Variants in SETD1B observed in about 807,000 individuals in gnomAD.
SETD1B encodes the protein SET domain containing 1B, histone lysine methyltransferase, also known as histone-lysine N-methyltransferase SETD1B.
SETD1B carries 7 observed loss-of-function variants against 148.0 expected under a neutral mutation model. The observed-to-expected ratio is 0.05, with a 90% CI of 0.03 to 0.09. SETD1B has a LOEUF of 0.09. Among genes scored for constraint, SETD1B ranks in the 10% least tolerant of loss-of-function variants. The pLI is 1.00. For missense variants in SETD1B, 2,155 were observed against 2,729.9 expected (o/e 0.79, Z 4.69); for synonymous variants, 1,361 against 1,186.5 (o/e 1.15, Z -3.02).
intron 6 of SETD1B, among the ~76,000 whole-genome samples, chr12:121,813,017 C>A (rs1452489401): frequency 6.6e-6 from 1 of 152,116 alleles, no homozygotes; most frequent in Non-Finnish European, 1.5e-5. Context: ...CCCTAAAGCC[C>A]CACGCCCATC....
Position 121,810,610 on chromosome 12 carries a change from G to A in SETD1B, c.1665G>A (p.Arg555=), listed in dbSNP as rs987431562. 3.2e-6 allele frequency: 5 copies of A among 1,548,264 alleles called. No individual in the cohort carries two copies. The African/African-American group carries it at 6.8e-5, about 21-fold the overall frequency. The change falls in exon 6 of 17, where the codon CGG becomes CGA. Residue 555 remains arginine (R), a synonymous_variant. Coordinates refer to ENST00000604567, the MANE Select transcript of SETD1B (RefSeq NM_001353345.2). This position sits in a 1 kb window ranked among gnomAD's most constrained non-coding sequence, Gnocchi z 7.6. ...PFGTNSQPGF[R]GPTPPSSRPS... is the part of the protein sequence containing the mutation. ...GCACCAACTCCCAGCCAGGCTTCCG[G>A]GGCCCCACGCCCCCCTCGTCACGCC...
intron 5 of SETD1B, 140 bp from the exon 6 acceptor site, chr12:121,809,463 C>T: frequency 1.1e-6 from 1 of 930,408 alleles, no homozygotes; most frequent in Non-Finnish European, 1.6e-6. Flanking sequence ...CCTCCTCAAT[C>T]TCCCCCACTT....
At chr12:121,815,888 C>T (rs972250193) in intron 7 of SETD1B, among the ~76,000 whole-genome samples, 6 of 141,268 alleles carry the variant, frequency 4.2e-5, no homozygotes, top group Admixed American at 1.5e-4. Flanking sequence ...AGTGCAATGG[C>T]GTGATCTCAG....
chr12:121,823,130 G>A lies in SETD1B; in HGVS notation c.4551G>A (p.Arg1517=). The A allele has an allele frequency of 6.5e-7, 1 of 1,535,714 alleles. No individual in the cohort carries two copies. The highest frequency in any genetic ancestry group is 8.7e-7 in the Non-Finnish European group (1 of 1,145,586). Residue 1517 remains arginine (R), a synonymous_variant, in exon 12 of 17, where the codon AGG becomes AGA. Coordinates refer to ENST00000604567, the MANE Select transcript of SETD1B (RefSeq NM_001353345.2). ...CCTCTTGCCCTCCCCCAATGAAGAG[G>A]AAGCCGGGCCGGCCCCGGCGATCCC... ...PLASCPPPMK[R]KPGRPRRSPP...
Position 121,805,064 on chromosome 12 carries a change from C to T in SETD1B, c.175-54C>T, listed in dbSNP as rs893294432. ...CAAGTGCCTCGAGAAAGGGGTCTGC[C>T]CATGGGGAGGGGGACCAGTTCTCTC... is the stretch of plus-strand genomic sequence containing the variant. On this transcript the variant is annotated intron_variant, in intron 2 of 16. Coordinates refer to ENST00000604567, the MANE Select transcript of SETD1B (RefSeq NM_001353345.2). The surrounding 1 kb of genome is among the most constrained non-coding windows in gnomAD (Gnocchi z 4.2). 2 of 1,524,206 alleles carry T rather than the reference C, an allele frequency of 1.3e-6. No homozygotes were observed. The highest frequency in any genetic ancestry group is 1.8e-6 in the Non-Finnish European group (2 of 1,123,048). The allele number at this position is 1,524,206 out of a possible 1,614,324, so 94.4% of individuals were successfully genotyped here. A position where few individuals can be genotyped will look rare whatever the true frequency, so the allele number is the denominator to read the frequency against.
At chr12:121,812,833 T>TA (rs1384647253) in intron 6 of SETD1B, among the ~76,000 whole-genome samples, 1 of 152,076 alleles carries the variant, frequency 6.6e-6, no homozygotes, top group Non-Finnish European at 1.5e-5. Flanking sequence ...GCCGCTGCCT[T>TA]AGTTTGGGTA....
chr12:121,819,972 CT>C (rs1876492379), intron 11 of SETD1B, 77 bp downstream of exon 11: 1 of 1,280,338 alleles, frequency 7.8e-7, no homozygotes, highest in Non-Finnish European at 1.1e-6. Flanking sequence ...CCCGGGCTTC[CT>C]GGGGTAGATC....
intron 10 of SETD1B, 144 bp downstream of exon 10, chr12:121,818,048 C>T (rs1046797913): frequency 6.4e-6 from 5 of 783,010 alleles, no homozygotes; most frequent in Admixed American, 3.1e-5. Flanking sequence ...CACAGGGTGG[C>T]GTACGGTTCC....
At chr12:121,793,913 C>T in the SETD1B span, 2 of 319,918 alleles carry the variant, frequency 6.3e-6, no homozygotes, top group Non-Finnish European at 1.1e-5. Flanking sequence ...ACCCTCCGCG[C>T]GTCACGTCGC....
chr12:121,815,353 G>A (rs1462439072), intron 7 of SETD1B, among the ~76,000 whole-genome samples: 2 of 152,066 alleles, frequency 1.3e-5, no homozygotes, highest in Non-Finnish European at 2.9e-5. Flanking sequence ...GTGCTCGGGA[G>A]CCACAGGTGC....
chr12:121,825,778 GGGATTACA>G (rs891135965), intron 13 of SETD1B, among the ~76,000 whole-genome samples: 2 of 152,020 alleles, frequency 1.3e-5, no homozygotes, highest in Non-Finnish European at 2.9e-5. Flanking sequence ...CTGAGTAGCT[GGGATTACA>G]GGTGCCCACC....
intron 16 of SETD1B, among the ~76,000 whole-genome samples, chr12:121,828,953 G>A (rs1424040927): frequency 2.0e-5 from 3 of 152,146 alleles, no homozygotes; most frequent in Non-Finnish European, 4.4e-5. Flanking sequence ...GTGAATATCC[G>A]GGGAGATCTG....
rs904764031 is a variant in SETD1B at position 121,809,984 on chromosome 12, C to T, written c.1039C>T (p.Arg347Trp). The stretch of plus-strand genomic sequence containing the variant: ...GGTGGCCGGGGCCACAGCCGCTTTC[C>T]GGGGTTCCTCGGACCTCCCGTTCGG... ...TAVAGATAAF[R>W]GSSDLPFGAV... Residue 347 changes from arginine (R) to tryptophan (W), a missense_variant, in exon 6 of 17, where the codon CGG becomes TGG. Coordinates refer to ENST00000604567, the MANE Select transcript of SETD1B (RefSeq NM_001353345.2). 5.2e-6 allele frequency: 8 copies of T among 1,550,674 alleles called. No homozygotes were observed. Among genetic ancestry groups the T allele is most frequent in the Admixed American group, 2.0e-5 (1 of 50,984 alleles).
chr12:121,814,291 C>T lies in SETD1B; in HGVS notation c.2076C>T (p.Pro692=). 2 of 1,047,566 alleles carry T rather than the reference C, an allele frequency of 1.9e-6. No individual in the cohort carries two copies. The highest frequency in any genetic ancestry group is 2.6e-6 in the Non-Finnish European group (2 of 783,196). The allele number at this position is 1,047,566 out of a possible 1,614,324, so 64.9% of individuals were successfully genotyped here. A position where few individuals can be genotyped will look rare whatever the true frequency, so the allele number is the denominator to read the frequency against. ...CACCTGGCTTCCCCCCGCTGCCCCCCCCACCACCACCACCCCCACCGCAGC... is the reference window on the plus strand; with the variant it reads ...CACCTGGCTTCCCCCCGCTGCCCCCTCCACCACCACCACCCCCACCGCAGC... ...PPPPGFPPLP[P]PPPPPPPQPG... is the part of the protein sequence containing the mutation. The change falls in exon 7 of 17, where the codon CCC becomes CCT. Residue 692 remains proline (P), a synonymous_variant. Coordinates refer to ENST00000604567, the MANE Select transcript of SETD1B (RefSeq NM_001353345.2).
At position 121,817,406 on chromosome 12, in the gene SETD1B, C is replaced by A. The variant is rs760175934; in HGVS notation, c.3014C>A (p.Thr1005Asn). 29 of 1,533,302 alleles carry A rather than the reference C, an allele frequency of 1.9e-5. No individual in the cohort carries two copies. Among genetic ancestry groups the A allele is most frequent in the South Asian group, 4.9e-5 (4 of 81,976 alleles). The allele number at this position is 1,533,302 out of a possible 1,614,324, so 95.0% of individuals were successfully genotyped here. Reference sequence around the variant, plus strand: ...GAGCGAGACCGGGATATGGCAGACACCCCCTGTGAGCTCGCCAAGCGGGAC... The same window carrying A: ...GAGCGAGACCGGGATATGGCAGACAACCCCTGTGAGCTCGCCAAGCGGGAC... Reference protein sequence around the residue: ...ERERDRDMADTPCELAKRDPK... With the variant: ...ERERDRDMADNPCELAKRDPK... Residue 1005 changes from threonine (T) to asparagine (N), a missense_variant, in exon 9 of 17, where the codon ACC becomes AAC. Thr to Asn is a moderately conservative substitution (Grantham distance 65, BLOSUM62 0). Around this residue, in one of 11 missense-constraint regions of SETD1B, gnomAD observed 289 missense variants for 423.7 expected, o/e 0.68. Coordinates refer to ENST00000604567, the MANE Select transcript of SETD1B (RefSeq NM_001353345.2). The surrounding 1 kb of genome is among the most constrained non-coding windows in gnomAD (Gnocchi z 8.1).
At chr12:121,812,334 A>C (rs1876074642) in intron 6 of SETD1B, among the ~76,000 whole-genome samples, 1 of 152,128 alleles carries the variant, frequency 6.6e-6, no homozygotes, top group Non-Finnish European at 1.5e-5. Context: ...GAGTCCTGCC[A>C]AGTCACTTAC....
At chr12:121,821,230 C>G (rs1212409003) in intron 11 of SETD1B, among the ~76,000 whole-genome samples, 2 of 152,078 alleles carry the variant, frequency 1.3e-5, no homozygotes, top group African/African-American at 4.8e-5. Flanking sequence ...GTGGACCAAA[C>G]AGACAAAAAT....
chr12:121,819,946 T>C, intron 11 of SETD1B, 51 bp downstream of exon 11: 3 of 1,459,760 alleles, frequency 2.1e-6, no homozygotes, highest in Non-Finnish European at 2.8e-6. Context: ...CAGGAAGTCC[T>C]CACTGTCAGA....
chr12:121,807,089 A>G (rs556905269), intron 4 of SETD1B, among the ~76,000 whole-genome samples: 9 of 152,268 alleles, frequency 5.9e-5, no homozygotes, highest in Non-Finnish European at 1.0e-4. Flanking sequence ...GGACACACCA[A>G]ACCCAAGGCA....
Sources: gnomAD v4.1 joint callset for allele counts (sites outside exome capture counted in the v4.1 genomes callset) on GRCh38, gnomAD v4.1.1 for gene constraint, gnomAD v4.1.1 regional missense constraint, Gnocchi (gnomAD v3.1) non-coding constraint, MANE v1.5 for transcripts, NCBI Gene and HGNC (gene_info 2026-07-23, HGNC 2026-07-21) for gene names.